The following WDR93 variants were observed in gnomAD, a reference collection of about 807,000 sequenced individuals.
WDR93 encodes WD repeat-containing protein 93.
A neutral mutation model predicts 82.9 loss-of-function variants in WDR93; 73 were observed. That is an observed-to-expected ratio of 0.88 (90% confidence interval 0.73 to 1.07). WDR93 has a LOEUF of 1.07. WDR93 is among the 50% of genes least tolerant of loss of function. The probability of loss-of-function intolerance (pLI) is 0.00; values close to 1 mark genes in which losing one functional copy is unlikely to be tolerated. For synonymous variants in WDR93, 283 were observed against 300.1 expected (o/e 0.94, Z 0.59); for missense variants, 738 against 826.0 (o/e 0.89, Z 1.31).
intron 16 of WDR93, among the ~76,000 whole-genome samples, chr15:89,740,783 T>A (rs550351310): frequency 2.0e-5 from 3 of 151,826 alleles, no homozygotes; most frequent in African/African-American, 7.2e-5. Flanking sequence ...ATTACAGACA[T>A]GAGCCACCAC....
intron 3 of WDR93, chr15:89,705,265 G>T: frequency 2.5e-6 from 1 of 402,966 alleles, no homozygotes; most frequent in Non-Finnish European, 4.5e-6. Context: ...AGGCAGATAG[G>T]AATCAACCAG....
intron 1 of WDR93, among the ~76,000 whole-genome samples, chr15:89,696,003 G>A (rs188718153): frequency 1.3e-5 from 2 of 152,022 alleles, no homozygotes; most frequent in East Asian, 3.9e-4. Context: ...TTTTAGTAGA[G>A]GTGGGGTTTT....
intron 13 of WDR93, among the ~76,000 whole-genome samples, chr15:89,734,440 A>G (rs1446455240): frequency 1.3e-5 from 2 of 152,142 alleles, no homozygotes; most frequent in Non-Finnish European, 2.9e-5. Flanking sequence ...CCTTTCTCAC[A>G]TGGTAGTCTA....
intron 14 of WDR93, 22 bp from the exon 15 acceptor site, chr15:89,737,551 T>C (rs1967304500): frequency 6.2e-7 from 1 of 1,613,986 alleles, no homozygotes; most frequent in Admixed American, 1.7e-5. Flanking sequence ...GAAGCCCCCC[T>C]CACCATCTCT....
At chr15:89,709,192 G>A (rs756176223) in intron 4 of WDR93, among the ~76,000 whole-genome samples, 9 of 152,162 alleles carry the variant, frequency 5.9e-5, no homozygotes, top group Non-Finnish European at 1.2e-4. Flanking sequence ...TGAGACACAA[G>A]GTCAACAACT....
At chr15:89,720,522 C>T (rs1966482901) in intron 7 of WDR93, among the ~76,000 whole-genome samples, 1 of 152,178 alleles carries the variant, frequency 6.6e-6, no homozygotes, top group Non-Finnish European at 1.5e-5. Flanking sequence ...TCGCCCGCCT[C>T]GACCTCCCAA....
intron 13 of WDR93, among the ~76,000 whole-genome samples, chr15:89,734,317 T>C (rs1312119074): frequency 1.3e-5 from 2 of 152,186 alleles, no homozygotes; most frequent in African/African-American, 4.8e-5. Flanking sequence ...AAATGTGCCT[T>C]CAGGCAGCTC....
intron 13 of WDR93, among the ~76,000 whole-genome samples, chr15:89,733,842 A>C (rs1481879903): frequency 1.3e-5 from 2 of 152,200 alleles, no homozygotes; most frequent in Non-Finnish European, 2.9e-5. Context: ...GTTATAAGCA[A>C]CAGAAAATGG....
At chr15:89,723,123 C>T (rs1966593052) in intron 8 of WDR93, among the ~76,000 whole-genome samples, 1 of 151,834 alleles carries the variant, frequency 6.6e-6, no homozygotes, top group African/African-American at 2.4e-5. Context: ...ATCGCTTGAG[C>T]CCAGGAAGCA....
chr15:89,700,214 T>C (rs762445564), intron 1 of WDR93, among the ~76,000 whole-genome samples: 2 of 152,204 alleles, frequency 1.3e-5, no homozygotes, highest in African/African-American at 2.4e-5. Flanking sequence ...CTGTGAATTA[T>C]GAGGCTTTCC....
At chr15:89,696,776 A>G (rs1214993738) in intron 1 of WDR93, among the ~76,000 whole-genome samples, 1 of 151,048 alleles carries the variant, frequency 6.6e-6, no homozygotes, top group Non-Finnish European at 1.5e-5. Context: ...ATGATAGGTT[A>G]GTTTTAATAC....
intron 10 of WDR93, 127 bp downstream of exon 10, chr15:89,729,220 G>C: frequency 1.1e-6 from 1 of 878,670 alleles, no homozygotes; most frequent in Non-Finnish European, 1.9e-6. Context: ...AGGGGAGTTT[G>C]GTTGCCAGCT....
rs959835061 is a variant in WDR93 at position 89,743,410 on chromosome 15, A to G, written c.*19A>G. 1 of 1,613,448 alleles carries G rather than the reference A, an allele frequency of 6.2e-7. No homozygotes were observed. The highest frequency in any genetic ancestry group is 8.5e-7 in the Non-Finnish European group (1 of 1,179,556). On this transcript the variant is annotated 3_prime_UTR_variant, in exon 17 of 17. Transcript: ENST00000268130. Reference sequence around the variant, plus strand: ...GAAGTGAGGCTGCCACCGCCCTGGGATCTCTGAAAAGGAGGTTTCAGCCAC... The same window carrying G: ...GAAGTGAGGCTGCCACCGCCCTGGGGTCTCTGAAAAGGAGGTTTCAGCCAC...
Position 89,735,647 on chromosome 15 carries a change from G to C in WDR93, c.1608+94G>C, listed in dbSNP as rs911257370. The C allele has an allele frequency of 6.8e-6, 9 of 1,328,106 alleles. No individual in the cohort carries two copies. The Admixed American group carries it at 1.0e-4, about 15-fold the overall frequency. 82.3% of individuals were successfully genotyped at this position (1,328,106 alleles called of 1,614,324 possible). On this transcript the variant is annotated intron_variant, in intron 14 of 16. Transcript: ENST00000268130. ...GTCCTTTAGAAAATGCTTATTGAAG[G>C]CCTGTTATGTGTTAGGCACTGGACT...
At chr15:89,732,173 C>T (rs1966867242) in intron 12 of WDR93, among the ~76,000 whole-genome samples, 1 of 152,170 alleles carries the variant, frequency 6.6e-6, no homozygotes. Context: ...TGTTAAAGGC[C>T]AGTAATGACT....
upstream of WDR93, chr15:89,690,495 C>G (rs1241109706): frequency 9.6e-7 from 1 of 1,041,318 alleles, no homozygotes; most frequent in African/African-American, 1.6e-5. Flanking sequence ...GCTATCACCT[C>G]CTTTTTCCCG....
At chr15:89,730,179 G>C (rs925586126) in intron 11 of WDR93, among the ~76,000 whole-genome samples, 1 of 152,126 alleles carries the variant, frequency 6.6e-6, no homozygotes, top group Non-Finnish European at 1.5e-5. Context: ...ACAAAAATTA[G>C]CCGGATATGG....
intron 16 of WDR93, among the ~76,000 whole-genome samples, chr15:89,741,684 A>T (rs1214137011): frequency 6.6e-6 from 1 of 152,222 alleles, no homozygotes; most frequent in Non-Finnish European, 1.5e-5. Context: ...TGAGACAGTG[A>T]AGGAATTTCT....
At chr15:89,720,803 C>G (rs182629909) in intron 7 of WDR93, among the ~76,000 whole-genome samples, 1 of 152,100 alleles carries the variant, frequency 6.6e-6, no homozygotes, top group Non-Finnish European at 1.5e-5. Context: ...GTTTGAAGAC[C>G]AATAAAGCTG....
Sources: allele counts gnomAD v4.1 joint callset (sites outside exome capture counted in the v4.1 genomes callset), GRCh38; gene constraint gnomAD v4.1.1; transcripts MANE v1.5; gene names NCBI Gene and HGNC (gene_info 2026-07-23, HGNC 2026-07-21).